DRC8: variants seen among roughly 807,000 people sequenced by gnomAD.
DRC8 encodes the protein dynein regulatory complex protein 8.
At chr1:245,077,283 G>T in the DRC8 span, among the ~76,000 whole-genome samples, 8 of 151,912 alleles carry the variant, frequency 5.3e-5, no homozygotes, top group Admixed American at 2.6e-4. Flanking sequence ...TATTCTTCTT[G>T]TTCTTTTTTA....
chr1:244,996,889 C>T, the DRC8 span, among the ~76,000 whole-genome samples: 28 of 152,272 alleles, frequency 1.8e-4, no homozygotes, highest in African/African-American at 6.7e-4. Flanking sequence ...GGGATAGGCT[C>T]CAGGACCTCC....
At chr1:245,032,865 A>G in the DRC8 span, among the ~76,000 whole-genome samples, 10 of 152,152 alleles carry the variant, frequency 6.6e-5, no homozygotes, top group African/African-American at 2.2e-4. Context: ...GCTTTTAGAA[A>G]GAAAACCCTA....
At chr1:245,014,708 G>A in the DRC8 span, among the ~76,000 whole-genome samples, 1 of 152,104 alleles carries the variant, frequency 6.6e-6, no homozygotes, top group South Asian at 2.1e-4. Context: ...TTCAAATGAG[G>A]AAGATCTGAG....
the DRC8 span, among the ~76,000 whole-genome samples, chr1:245,008,298 T>C: frequency 3.9e-5 from 6 of 152,330 alleles, no homozygotes; most frequent in East Asian, 5.8e-4. Context: ...AAAATCATTA[T>C]GTTAAAAAAT....
the DRC8 span, among the ~76,000 whole-genome samples, chr1:245,103,020 G>A: frequency 6.0e-5 from 9 of 149,498 alleles, no homozygotes; most frequent in African/African-American, 2.3e-4. Context: ...TCAGGAGGGG[G>A]GACCAGAGAG....
the DRC8 span, among the ~76,000 whole-genome samples, chr1:245,032,478 C>T: frequency 6.6e-6 from 1 of 152,190 alleles, no homozygotes; most frequent in African/African-American, 2.4e-5. Context: ...CTACTGAGTA[C>T]ATTTTGTAAC....
At chr1:245,052,799 G>A in the DRC8 span, among the ~76,000 whole-genome samples, 39 of 152,330 alleles carry the variant, frequency 2.6e-4, 1 homozygote, top group African/African-American at 9.4e-4. Context: ...GGCAAGTTGT[G>A]GTGACGGTAA....
At chr1:245,099,295 T>G in the DRC8 span, among the ~76,000 whole-genome samples, 1 of 152,120 alleles carries the variant, frequency 6.6e-6, no homozygotes, top group Non-Finnish European at 1.5e-5. Context: ...AAGGGGGGGC[T>G]TTTTCAACAG....
the DRC8 span, chr1:245,059,574 C>T: frequency 2.6e-5 from 19 of 740,432 alleles, no homozygotes; most frequent in African/African-American, 3.1e-4. Flanking sequence ...ACTGAATGTG[C>T]TCAGTGGAAA....
the DRC8 span, among the ~76,000 whole-genome samples, chr1:244,972,260 T>C: frequency 6.6e-6 from 1 of 152,350 alleles, no homozygotes; most frequent in South Asian, 2.1e-4. Flanking sequence ...ATTATGTAGA[T>C]AAGGCATTCT....
the DRC8 span, among the ~76,000 whole-genome samples, chr1:244,992,499 G>A: frequency 6.6e-6 from 1 of 152,192 alleles, no homozygotes; most frequent in Non-Finnish European, 1.5e-5. Context: ...AGCATTTTGG[G>A]AGGCTCAGGC....
At chr1:245,007,312 A>G in the DRC8 span, among the ~76,000 whole-genome samples, 1 of 152,204 alleles carries the variant, frequency 6.6e-6, no homozygotes, top group East Asian at 1.9e-4. Flanking sequence ...AATATGTAAC[A>G]GCCAAATGCA....
the DRC8 span, among the ~76,000 whole-genome samples, chr1:245,039,611 A>G: frequency 6.6e-6 from 1 of 152,110 alleles, no homozygotes; most frequent in East Asian, 1.9e-4. Context: ...AGTTTCACCA[A>G]TTTCCCACGA....
At chr1:245,094,914 A>C in the DRC8 span, among the ~76,000 whole-genome samples, 2 of 152,320 alleles carry the variant, frequency 1.3e-5, no homozygotes, top group Non-Finnish European at 2.9e-5. Context: ...GTCTCTCTAT[A>C]GAACTTCTTT....
At chr1:245,102,166 A>G in the DRC8 span, among the ~76,000 whole-genome samples, 1 of 152,304 alleles carries the variant, frequency 6.6e-6, no homozygotes, top group African/African-American at 2.4e-5. Flanking sequence ...CTTTATGAGC[A>G]GCCTAATATC....
At chr1:244,983,475 C>T in the DRC8 span, among the ~76,000 whole-genome samples, 1 of 151,996 alleles carries the variant, frequency 6.6e-6, no homozygotes, top group Non-Finnish European at 1.5e-5. Context: ...CGTGGTAGCT[C>T]ACACCTGTAA....
chr1:245,118,051 G>A, the DRC8 span, among the ~76,000 whole-genome samples: 3 of 152,176 alleles, frequency 2.0e-5, no homozygotes, highest in South Asian at 2.1e-4. Flanking sequence ...CCTCTATTAC[G>A]CTACCTGAGA....
chr1:245,098,750 T>G, the DRC8 span, among the ~76,000 whole-genome samples: 256 of 152,364 alleles, frequency 1.7e-3, 1 homozygote, highest in Admixed American at 4.0e-3. Flanking sequence ...CTGAAATTCT[T>G]GTGACCTTCA....
chr1:245,120,144 G>A, the DRC8 span, among the ~76,000 whole-genome samples: 3,870 of 152,214 alleles, frequency 0.025, 157 homozygotes, highest in East Asian at 0.14. Flanking sequence ...CAAAAGGTAT[G>A]AAGGCTCATA....
Sources: allele counts gnomAD v4.1 joint callset (sites outside exome capture counted in the v4.1 genomes callset), GRCh38; gene constraint gnomAD v4.1.1; transcripts MANE v1.5; gene names NCBI Gene and HGNC (gene_info 2026-07-23, HGNC 2026-07-21).